KDM5B: variants seen among roughly 807,000 people sequenced by gnomAD.
KDM5B encodes lysine demethylase 5B, also known as lysine-specific demethylase 5B.
A neutral mutation model predicts 193.4 loss-of-function variants in KDM5B; 144 were observed. The observed-to-expected ratio is 0.74, with a 90% CI of 0.65 to 0.86. The LOEUF (loss-of-function observed/expected upper bound fraction) is 0.86, where lower values mean the gene tolerates loss of function less well. Ranked by LOEUF, KDM5B falls within the 40% of genes least tolerant of loss-of-function variation. The pLI is 0.00. For synonymous variants in KDM5B, 668 were observed against 682.6 expected (o/e 0.98, Z 0.33); for missense variants, 1,833 against 1,886.9 (o/e 0.97, Z 0.53).
chr1:202,743,350 A>C (rs1395807010), intron 16 of KDM5B, among the ~76,000 whole-genome samples: 3 of 151,442 alleles, frequency 2.0e-5, no homozygotes, highest in South Asian at 2.1e-4. Flanking sequence ...AAAAAAAAAA[A>C]AAAAAAAAAA....
chr1:202,757,014 TG>T lies in KDM5B; in HGVS notation c.1198-499del, dbSNP rs1470883593. 2.0e-5 allele frequency among the ~76,000 whole-genome samples: 3 copies of T among 152,128 alleles called. No homozygotes were observed. The East Asian group carries it at 5.8e-4, about 29-fold the overall frequency. On this transcript the variant is annotated intron_variant, in intron 9 of 26. Transcript: ENST00000367265. The stretch of plus-strand genomic sequence containing the variant: ...ATATAGCAGTGGTCGCCAGTGTCCC[TG>T]TGTTTTTGGCACCAGGGATGGGTTT...
intron 3 of KDM5B, among the ~76,000 whole-genome samples, chr1:202,774,124 A>G (rs994999638): frequency 3.3e-5 from 5 of 152,222 alleles, no homozygotes; most frequent in Admixed American, 1.3e-4. Flanking sequence ...GAATTTTTGT[A>G]AAGTGTGAAA....
chr1:202,806,962 G>T (rs1353301879), intron 1 of KDM5B: 1 of 152,228 alleles, frequency 6.6e-6, no homozygotes, highest in Non-Finnish European at 1.5e-5. Context: ...AAAAAACAGG[G>T]GTGTAGGAGC....
intron 1 of KDM5B, among the ~76,000 whole-genome samples, chr1:202,805,633 T>C (rs939622331): frequency 2.0e-5 from 3 of 152,198 alleles, no homozygotes; most frequent in Non-Finnish European, 4.4e-5. Flanking sequence ...TATATCACCA[T>C]GGAAAATATT....
At position 202,729,030 on chromosome 1, in the gene KDM5B, G is replaced by GT; in HGVS notation, c.*5dup. On this transcript the variant is annotated 3_prime_UTR_variant, in exon 27 of 27. Coordinates refer to ENST00000367265, the MANE Select transcript of KDM5B (RefSeq NM_006618.5). The stretch of plus-strand genomic sequence containing the variant: ...ATTAAGTAGGGGGGTATCTGTTTTT[G>GT]TGTTTTTACTTTCGGCTTGGTGCGT... 6.2e-7 allele frequency: 1 copy of GT among 1,613,952 alleles called. No homozygotes were observed. The highest frequency in any genetic ancestry group is 8.5e-7 in the Non-Finnish European group (1 of 1,179,918).
At position 202,774,637 on chromosome 1, in the gene KDM5B, G is replaced by A; in HGVS notation, c.381C>T (p.Ile127=). 8 of 1,612,484 alleles carry A rather than the reference G, an allele frequency of 5.0e-6. No homozygotes were observed. Among genetic ancestry groups the A allele is most frequent in the Non-Finnish European group, 6.8e-6 (8 of 1,178,576 alleles). The change falls in exon 3 of 27, where the codon ATC becomes ATT. Residue 127 remains isoleucine, a synonymous_variant. Transcript: ENST00000367265. ...TLKIPHVERK[I]LDLFQLNKLV... is the part of the protein sequence containing the mutation. Reference sequence around the variant, plus strand: ...CCTTATTAAGCTGAAATAAGTCCAAGATCTTCCTCTCCACATGTGGAATTT... The same window carrying A: ...CCTTATTAAGCTGAAATAAGTCCAAAATCTTCCTCTCCACATGTGGAATTT...
chr1:202,749,291 G>T, intron 13 of KDM5B, 152 bp from the exon 14 acceptor site: 1 of 670,990 alleles, frequency 1.5e-6, no homozygotes, highest in Non-Finnish European at 2.4e-6. Context: ...GGGCCAGGTA[G>T]ATGGCTCACA....
Position 202,734,413 on chromosome 1 carries a change from A to G in KDM5B, c.3424-527T>C, listed in dbSNP as rs186930855. Among the ~76,000 whole-genome samples, 9 of 151,906 alleles carry G rather than the reference A, an allele frequency of 5.9e-5. No homozygotes were observed. In the East Asian group the frequency reaches 1.7e-3, roughly 29 times the overall value. Reference sequence around the variant, plus strand: ...AATACACAGGTAATATGTGTGGGTTATATGATAACAAGGTAACTTCTGACA... The same window carrying G: ...AATACACAGGTAATATGTGTGGGTTGTATGATAACAAGGTAACTTCTGACA... On this transcript the variant is annotated intron_variant, in intron 22 of 26. Coordinates refer to ENST00000367265, the MANE Select transcript of KDM5B (RefSeq NM_006618.5).
In KDM5B at chr1:202,729,137, A is replaced by C; in HGVS notation, c.4534T>G (p.Trp1512Gly). The C allele has an allele frequency of 6.2e-7, 1 of 1,614,094 alleles. No homozygotes were observed. Residue 1512 changes from tryptophan (W) to glycine (G), a missense_variant, in exon 27 of 27, where the codon TGG becomes GGG. Physicochemically the swap from Trp to Gly is radical, Grantham distance 184 (BLOSUM62 -2). Coordinates refer to ENST00000367265, the MANE Select transcript of KDM5B (RefSeq NM_006618.5). ...ACACCAACACAGACCTGATGAAACCACTGATTGCAGCTGCCATCACACTGG... is the reference window on the plus strand; with the variant it reads ...ACACCAACACAGACCTGATGAAACCCCTGATTGCAGCTGCCATCACACTGG... ...WVQCDGSCNQ[W>G]FHQVCVGVSP...
Position 202,778,956 on chromosome 1 carries a change from C to CTA in KDM5B, c.205-1864_205-1863dup, listed in dbSNP as rs771568136. Among the ~76,000 whole-genome samples, 30 of 152,102 alleles carry CTA rather than the reference C, an allele frequency of 2.0e-4. No homozygotes were observed. The East Asian group carries it at 4.6e-3, about 24-fold the overall frequency. On this transcript the variant is annotated intron_variant, in intron 1 of 26. Transcript: ENST00000367265. ...ATTTACTAATGTGGGAAGATTTTCC[C>CTA]TATATATGTTAAGGGGTCGGGGGGC...
rs1277576454 is a variant in KDM5B, at chr1:202,727,658, GA to G, written c.*1377del. The G allele has an allele frequency of 2.0e-5, 3 of 152,548 alleles. No individual in the cohort carries two copies. Among genetic ancestry groups the G allele is most frequent in the Non-Finnish European group, 4.4e-5 (3 of 68,036 alleles). 9.4% of individuals were successfully genotyped at this position (152,548 alleles called of 1,614,324 possible). A position where few individuals can be genotyped will look rare whatever the true frequency, so the allele number is the denominator to read the frequency against. On this transcript the variant is annotated 3_prime_UTR_variant, in exon 27 of 27. Transcript: ENST00000367265. ...GACCCCTTTAAAAAAGAAAAGCAAG[GA>G]AAATAGCTATGGGCTATCCACAGCC...
At chr1:202,766,421 G>C (rs1326670588) in intron 5 of KDM5B, 3 of 391,406 alleles carry the variant, frequency 7.7e-6, no homozygotes, top group Non-Finnish European at 1.5e-5. Context: ...CAGAAGAATT[G>C]CTGGAATCTA....
At chr1:202,752,820 T>G (rs1438365320) in intron 12 of KDM5B, 85 bp downstream of exon 12, 1 of 1,310,826 alleles carries the variant, frequency 7.6e-7, no homozygotes, top group Non-Finnish European at 1.1e-6. Context: ...CAGAACTAAA[T>G]CAACATCATA....
chr1:202,746,827 G>T (rs537006358), intron 14 of KDM5B, among the ~76,000 whole-genome samples: 1 of 152,280 alleles, frequency 6.6e-6, no homozygotes, highest in South Asian at 2.1e-4. Context: ...CCTTTTACAG[G>T]AAGTTATATG....
intron 7 of KDM5B, among the ~76,000 whole-genome samples, chr1:202,761,159 G>A (rs1477767439): frequency 1.3e-5 from 2 of 152,150 alleles, no homozygotes. Flanking sequence ...TACCAATTTA[G>A]GCCTGGCACG....
At position 202,767,324 on chromosome 1, in the gene KDM5B, T is replaced by C. The variant is rs995192749; in HGVS notation, c.577-264A>G. ...ATCTTAGCTAGTAACGACCACTTGT[T>C]TTCCACTGAAAATGGCAAATTCTTC... On this transcript the variant is annotated intron_variant, in intron 4 of 26. Coordinates refer to ENST00000367265, the MANE Select transcript of KDM5B (RefSeq NM_006618.5). The C allele has an allele frequency of 9.9e-6, 16 of 1,609,258 alleles. No individual in the cohort carries two copies. In the Middle Eastern group the frequency reaches 6.7e-4, roughly 67 times the overall value.
At chr1:202,754,341 T>C (rs1655924209) in intron 11 of KDM5B, among the ~76,000 whole-genome samples, 1 of 152,170 alleles carries the variant, frequency 6.6e-6, no homozygotes, top group East Asian at 1.9e-4. Flanking sequence ...GAGTTACAGA[T>C]TTTCAAATAT....
chr1:202,739,355 G>T (rs1016139260), intron 20 of KDM5B, among the ~76,000 whole-genome samples: 2 of 151,738 alleles, frequency 1.3e-5, no homozygotes, highest in Non-Finnish European at 2.9e-5. Flanking sequence ...AGTATGAATA[G>T]AATTAGTCTT....
chr1:202,778,564 A>G (rs954676686), intron 1 of KDM5B, among the ~76,000 whole-genome samples: 1 of 152,212 alleles, frequency 6.6e-6, no homozygotes, highest in African/African-American at 2.4e-5. Context: ...TAATACAATG[A>G]AAAAAGCAAA....
Sources: allele counts gnomAD v4.1 joint callset (sites outside exome capture counted in the v4.1 genomes callset), GRCh38; gene constraint gnomAD v4.1.1; transcripts MANE v1.5; gene names NCBI Gene and HGNC (gene_info 2026-07-23, HGNC 2026-07-21).